The following GPC5 variants were observed in gnomAD, a reference collection of about 807,000 sequenced individuals.
GPC5 encodes glypican-5.
GPC5 carries 47 observed loss-of-function variants against 53.9 expected under a neutral mutation model. The ratio of observed to expected loss-of-function variants is 0.87; its 90% CI spans 0.69 to 1.11. GPC5 has a LOEUF of 1.11. Ranked by LOEUF, GPC5 falls within the 50% of genes most tolerant of loss-of-function variation. GPC5 has a pLI of 0.00. For synonymous variants in GPC5, 286 were observed against 263.3 expected, an observed-to-expected ratio of 1.09 and a Z score of -0.84; for missense variants, 748 against 713.1, an observed-to-expected ratio of 1.05 and a Z score of -0.56.
intron 2 of GPC5, among the ~76,000 whole-genome samples, chr13:91,527,488 C>T (rs754231149): frequency 7.9e-5 from 12 of 152,224 alleles, no homozygotes; most frequent in Admixed American, 3.9e-4. Context: ...GGGCACAGCC[C>T]CCACAGCTGC....
At chr13:92,512,234 A>ATGTG (rs1555339433) in intron 7 of GPC5, among the ~76,000 whole-genome samples, 23,459 of 148,710 alleles carry the variant, frequency 0.16, 2,213 homozygotes, top group Non-Finnish European at 0.22. Flanking sequence ...TGTAGATTGT[A>ATGTG]TGTGTGTGTG....
chr13:92,411,627 A>G (rs1480982845), intron 7 of GPC5, among the ~76,000 whole-genome samples: 1 of 152,176 alleles, frequency 6.6e-6, no homozygotes, highest in East Asian at 1.9e-4. Flanking sequence ...TTAAAAAGAA[A>G]ATCAATTAAT....
chr13:92,162,820 T>C (rs190760326), intron 7 of GPC5, among the ~76,000 whole-genome samples: 3 of 152,148 alleles, frequency 2.0e-5, no homozygotes, highest in Non-Finnish European at 4.4e-5. Flanking sequence ...CAATACTTTT[T>C]TTCTGTGGTG....
intron 5 of GPC5, among the ~76,000 whole-genome samples, chr13:91,815,389 T>C (rs1166502241): frequency 6.6e-6 from 1 of 152,024 alleles, no homozygotes; most frequent in Non-Finnish European, 1.5e-5. Context: ...AGAACATGCA[T>C]TGCTCTTGGT....
At chr13:92,332,141 T>C (rs1271553886) in intron 7 of GPC5, among the ~76,000 whole-genome samples, 1 of 152,208 alleles carries the variant, frequency 6.6e-6, no homozygotes, top group Non-Finnish European at 1.5e-5. Context: ...GATAATAACT[T>C]TGAAATCCTT....
chr13:92,156,964 T>C (rs1480942548), intron 7 of GPC5, among the ~76,000 whole-genome samples: 1 of 152,156 alleles, frequency 6.6e-6, no homozygotes, highest in African/African-American at 2.4e-5. Flanking sequence ...AATTGATGTA[T>C]GAATATACCA....
intron 7 of GPC5, among the ~76,000 whole-genome samples, chr13:92,742,212 G>T (rs1271345056): frequency 6.6e-6 from 1 of 150,880 alleles, no homozygotes; most frequent in East Asian, 2.0e-4. Context: ...CAGTGTAAAA[G>T]TGTTCCTATT....
intron 7 of GPC5, among the ~76,000 whole-genome samples, chr13:92,769,888 C>T (rs568077045): frequency 6.6e-6 from 1 of 152,126 alleles, no homozygotes; most frequent in African/African-American, 2.4e-5. Flanking sequence ...TGTCTCATAA[C>T]TAGATTTTAA....
chr13:91,704,028 A>G (rs941447198), intron 3 of GPC5, among the ~76,000 whole-genome samples: 4 of 152,090 alleles, frequency 2.6e-5, no homozygotes, highest in African/African-American at 7.2e-5. Context: ...TTCAAAATTA[A>G]TGTTTCCTTA....
At chr13:92,366,939 A>T (rs964512826) in intron 7 of GPC5, among the ~76,000 whole-genome samples, 8 of 152,230 alleles carry the variant, frequency 5.3e-5, no homozygotes, top group African/African-American at 1.9e-4. Context: ...TAATTTGCAG[A>T]TTACTTGGTG....
chr13:91,555,659 C>G (rs1227364313), intron 2 of GPC5, among the ~76,000 whole-genome samples: 2 of 151,954 alleles, frequency 1.3e-5, no homozygotes, highest in Non-Finnish European at 2.9e-5. Context: ...AAGATATACC[C>G]AAGACTGGGT....
chr13:91,474,817 T>C (rs1882839074), intron 2 of GPC5, among the ~76,000 whole-genome samples: 1 of 141,496 alleles, frequency 7.1e-6, no homozygotes, highest in Non-Finnish European at 1.6e-5. Context: ...AGGGAGAGTA[T>C]AAAATATGAT....
chr13:91,689,183 A>C (rs935985647), intron 2 of GPC5, among the ~76,000 whole-genome samples: 2 of 80,726 alleles, frequency 2.5e-5, no homozygotes, highest in East Asian at 7.1e-4. Flanking sequence ...AATCATATAT[A>C]AATATATATA....
At chr13:91,448,113 TC>T (rs899622703) in intron 1 of GPC5, among the ~76,000 whole-genome samples, 1 of 152,222 alleles carries the variant, frequency 6.6e-6, no homozygotes, top group African/African-American at 2.4e-5. Context: ...ATATACATCT[TC>T]ACAGGATCCT....
intron 2 of GPC5, among the ~76,000 whole-genome samples, chr13:91,473,163 G>T (rs987387469): frequency 2.6e-5 from 4 of 152,098 alleles, no homozygotes; most frequent in African/African-American, 9.7e-5. Flanking sequence ...AACTCACTCA[G>T]TGTCACAAGA....
chr13:92,148,586 A>T (rs1368903048), intron 7 of GPC5, among the ~76,000 whole-genome samples: 3 of 152,074 alleles, frequency 2.0e-5, no homozygotes, highest in African/African-American at 4.8e-5. Flanking sequence ...CCATTAGGAA[A>T]ATTTGTCCAC....
intron 6 of GPC5, among the ~76,000 whole-genome samples, chr13:92,070,786 C>T (rs560067964): frequency 1.3e-5 from 2 of 152,190 alleles, no homozygotes; most frequent in Admixed American, 6.5e-5. Context: ...TGTTACTATT[C>T]ATTGATTTTA....
intron 7 of GPC5, among the ~76,000 whole-genome samples, chr13:92,754,339 T>C (rs1247607255): frequency 1.3e-5 from 2 of 152,032 alleles, no homozygotes; most frequent in African/African-American, 4.8e-5. Context: ...GCGCTAAACA[T>C]GGAAATGCAC....
chr13:92,744,696 TTGAAAATTTA>T lies in GPC5; in HGVS notation c.1562-121583_1562-121574del, dbSNP rs544688409. On this transcript the variant is annotated intron_variant, in intron 7 of 7. Coordinates refer to ENST00000377067, the MANE Select transcript of GPC5 (RefSeq NM_004466.6). ...AATTAAAGTGATGAAATAACGCTAA[TTGAAAATTTA>T]TGGCAGCATAATTATAGCAGTGGGT... 5.3e-5 allele frequency among the ~76,000 whole-genome samples: 8 copies of T among 152,216 alleles called. No individual in the cohort carries two copies. In the South Asian group the frequency reaches 1.7e-3, roughly 32 times the overall value.
Sources: gnomAD v4.1 joint callset for allele counts (sites outside exome capture counted in the v4.1 genomes callset) on GRCh38, gnomAD v4.1.1 for gene constraint, MANE v1.5 for transcripts, NCBI Gene and HGNC (gene_info 2026-07-23, HGNC 2026-07-21) for gene names.